SEZ6L: variants seen among roughly 807,000 people sequenced by gnomAD.
SEZ6L encodes the protein seizure 6-like protein.
In SEZ6L, 37 loss-of-function variants were observed where a neutral mutation model predicts 106.2. The observed-to-expected ratio is 0.35, with a 90% CI of 0.27 to 0.46. The LOEUF is 0.46. Ranked by LOEUF, SEZ6L falls within the 20% of genes least tolerant of loss-of-function variation. SEZ6L has a pLI of 1.00. For synonymous variants in SEZ6L, 541 were observed against 570.4 expected (o/e 0.95, Z 0.73); for missense variants, 1,172 against 1,332.8 (o/e 0.88, Z 1.88).
At chr22:26,243,334 G>A (rs1238994791) in intron 1 of SEZ6L, among the ~76,000 whole-genome samples, 2 of 152,180 alleles carry the variant, frequency 1.3e-5, no homozygotes, top group African/African-American at 4.8e-5. Context: ...AGAAAGTGAA[G>A]CAGGGTTAAG....
intron 1 of SEZ6L, among the ~76,000 whole-genome samples, chr22:26,188,938 C>T (rs1356913428): frequency 2.6e-5 from 4 of 152,196 alleles, no homozygotes; most frequent in South Asian, 4.1e-4. Flanking sequence ...ATTTCTACTG[C>T]TCTAGCATTA....
chr22:26,293,340 G>A (rs957102273), intron 2 of SEZ6L, among the ~76,000 whole-genome samples, 194 bp downstream of exon 2: 1 of 152,218 alleles, frequency 6.6e-6, no homozygotes, highest in Non-Finnish European at 1.5e-5. Context: ...GTTTTGGGGG[G>A]TTGTTTTAGC....
intron 9 of SEZ6L, among the ~76,000 whole-genome samples, chr22:26,326,444 A>G (rs1292908789): frequency 6.6e-6 from 1 of 152,194 alleles, no homozygotes; most frequent in Non-Finnish European, 1.5e-5. Context: ...CACATGGATT[A>G]CTGTGGTGCC....
chr22:26,363,913 A>G (rs1449422812), intron 12 of SEZ6L, among the ~76,000 whole-genome samples: 1 of 152,262 alleles, frequency 6.6e-6, no homozygotes, highest in East Asian at 1.9e-4. Flanking sequence ...CCAGTCACAG[A>G]AGGCAAATAC....
At chr22:26,319,129 TTC>T (rs2082084665) in intron 9 of SEZ6L, among the ~76,000 whole-genome samples, 1 of 152,168 alleles carries the variant, frequency 6.6e-6, no homozygotes. Context: ...AACTGGACCT[TTC>T]TCTTTCTCCC....
chr22:26,243,004 A>G (rs5752288), intron 1 of SEZ6L: 20,787 of 152,182 alleles, frequency 0.14, 1,755 homozygotes, highest in Middle Eastern at 0.21. Context: ...TCTGTTCCGT[A>G]TCTTTGTTTC....
chr22:26,335,646 T>C (rs1446812922), intron 9 of SEZ6L, among the ~76,000 whole-genome samples: 1 of 152,218 alleles, frequency 6.6e-6, no homozygotes, highest in Non-Finnish European at 1.5e-5. Flanking sequence ...AGACCTATAG[T>C]TGGCTTCTGC....
rs374078308 is a variant in SEZ6L at position 26,310,768 on chromosome 22, A to G, written c.1613A>G (p.Asn538Ser). ...VPFEGLLSEG[N>S]TIRIEFTSDQ... The stretch of plus-strand genomic sequence containing the variant: ...TTTGAGGGCCTGCTGAGCGAAGGCA[A>G]CACCATCCGCATCGAGTTCACGTCC... Residue 538 changes from asparagine (N) to serine (S), a missense_variant, in exon 7 of 17, where the codon AAC (asparagine) becomes AGC (serine). Transcript: ENST00000248933. 51 of 1,614,000 alleles carry G rather than the reference A, an allele frequency of 3.2e-5. No individual in the cohort carries two copies. The highest frequency in any genetic ancestry group is 3.2e-5 in the Non-Finnish European group (38 of 1,180,026).
intron 1 of SEZ6L, among the ~76,000 whole-genome samples, chr22:26,260,586 TTA>T (rs752353554): frequency 7.3e-5 from 11 of 151,402 alleles, no homozygotes; most frequent in Non-Finnish European, 1.5e-4. Context: ...GATATAGACA[TTA>T]TATATATATA....
chr22:26,282,845 T>G (rs1329567775), intron 1 of SEZ6L, among the ~76,000 whole-genome samples: 1 of 152,176 alleles, frequency 6.6e-6, no homozygotes, highest in East Asian at 1.9e-4. Flanking sequence ...TAGGTTCAGA[T>G]TATTCTGAAG....
At chr22:26,279,783 C>G (rs2080698882) in intron 1 of SEZ6L, among the ~76,000 whole-genome samples, 2 of 152,162 alleles carry the variant, frequency 1.3e-5, no homozygotes, top group Admixed American at 6.5e-5. Flanking sequence ...CCTCCTCCCC[C>G]TGGAGAGGTA....
chr22:26,316,395 G>GC (rs2081997802), intron 9 of SEZ6L, among the ~76,000 whole-genome samples: 1 of 152,220 alleles, frequency 6.6e-6, no homozygotes, highest in African/African-American at 2.4e-5. Flanking sequence ...CCTAGCAGGT[G>GC]AGGCAGGTAA....
intron 9 of SEZ6L, among the ~76,000 whole-genome samples, chr22:26,318,274 A>G (rs1333059420): frequency 3.9e-5 from 6 of 151,922 alleles, no homozygotes; most frequent in Admixed American, 3.9e-4. Context: ...GGGTTTCACC[A>G]TGTTGGCCAG....
At chr22:26,354,708 C>T (rs753914720) in intron 12 of SEZ6L, among the ~76,000 whole-genome samples, 2 of 152,148 alleles carry the variant, frequency 1.3e-5, no homozygotes, top group Non-Finnish European at 2.9e-5. Flanking sequence ...CCAATGAGAC[C>T]CAGTCTCTAA....
At chr22:26,220,701 C>T (rs576061844) in intron 1 of SEZ6L, among the ~76,000 whole-genome samples, 19 of 152,282 alleles carry the variant, frequency 1.2e-4, no homozygotes, top group African/African-American at 4.1e-4. Context: ...CCTGCAATCC[C>T]CTGCCTGTCC....
chr22:26,276,189 A>C (rs576623628), intron 1 of SEZ6L, among the ~76,000 whole-genome samples: 13 of 152,332 alleles, frequency 8.5e-5, no homozygotes, highest in African/African-American at 3.1e-4. Flanking sequence ...TGCATTTGTA[A>C]AACTGCTTTC....
chr22:26,246,606 A>G (rs567777576), intron 1 of SEZ6L, among the ~76,000 whole-genome samples: 1 of 152,316 alleles, frequency 6.6e-6, no homozygotes, highest in South Asian at 2.1e-4. Flanking sequence ...ACGAAAGTAC[A>G]AAGTTTCAAA....
At chr22:26,341,687 C>T (rs2082842196) in intron 10 of SEZ6L, among the ~76,000 whole-genome samples, 2 of 152,192 alleles carry the variant, frequency 1.3e-5, no homozygotes. Flanking sequence ...ACCACCACCA[C>T]TACCCAACAG....
chr22:26,358,126 GT>G (rs1303708135), intron 12 of SEZ6L, among the ~76,000 whole-genome samples: 1 of 152,224 alleles, frequency 6.6e-6, no homozygotes, highest in African/African-American at 2.4e-5. Flanking sequence ...TGGCCAGCAT[GT>G]CCAGTGTTAG....
Sources: allele counts gnomAD v4.1 joint callset (sites outside exome capture counted in the v4.1 genomes callset), GRCh38; gene constraint gnomAD v4.1.1; transcripts MANE v1.5; gene names NCBI Gene and HGNC (gene_info 2026-07-23, HGNC 2026-07-21).